NRXN3: variants seen among roughly 807,000 people sequenced by gnomAD.
NRXN3 encodes neurexin 3.
Under a neutral mutation model 137.6 loss-of-function variants are expected in NRXN3, and 32 were observed. That is an observed-to-expected ratio of 0.23 (90% CI 0.18 to 0.31). NRXN3 has a LOEUF of 0.31. Among genes scored for constraint, NRXN3 ranks in the 10% least tolerant of loss-of-function variants. The pLI is 1.00. For missense variants in NRXN3, 1,574 were observed against 2,062.5 expected (o/e 0.76, Z 4.59); for synonymous variants, 798 against 784.5 (o/e 1.02, Z -0.29).
chr14:78,703,433 A>G (rs1247636347), intron 6 of NRXN3, among the ~76,000 whole-genome samples: 2 of 152,202 alleles, frequency 1.3e-5, no homozygotes, highest in Non-Finnish European at 2.9e-5. Context: ...TACCCTGAGT[A>G]GGAACGTTAT....
intron 4 of NRXN3, among the ~76,000 whole-genome samples, chr14:78,318,521 A>C (rs2078968096): frequency 6.6e-6 from 1 of 152,098 alleles, no homozygotes; most frequent in Non-Finnish European, 1.5e-5. Flanking sequence ...TCATTCACAG[A>C]GTCTTTCTTT....
intron 4 of NRXN3, among the ~76,000 whole-genome samples, chr14:78,405,615 G>GGGGA (rs1555510783): frequency 2.8e-5 from 4 of 144,182 alleles, no homozygotes; most frequent in Non-Finnish European, 4.6e-5. Flanking sequence ...GGAAGGGGCG[G>GGGGA]GGGGGTTCCG....
chr14:79,171,657 T>C (rs1473829001), intron 15 of NRXN3, among the ~76,000 whole-genome samples: 1 of 152,174 alleles, frequency 6.6e-6, no homozygotes, highest in Non-Finnish European at 1.5e-5. Context: ...TAAGAGTGGA[T>C]ATAGTATTTA....
intron 15 of NRXN3, chr14:79,246,971 C>A: frequency 6.6e-6 from 1 of 152,414 alleles, no homozygotes. Context: ...ATCCCACTAA[C>A]ACCAAAGCCA....
chr14:78,719,024 T>C (rs973533608), intron 8 of NRXN3, among the ~76,000 whole-genome samples: 2 of 152,234 alleles, frequency 1.3e-5, no homozygotes, highest in Admixed American at 6.5e-5. Context: ...CATCTTATCT[T>C]TGCTGGTATA....
chr14:79,819,465 C>T (rs1478350446), intron 20 of NRXN3, among the ~76,000 whole-genome samples: 1 of 132,802 alleles, frequency 7.5e-6, no homozygotes, highest in African/African-American at 2.9e-5. Context: ...ACATAGGATA[C>T]AACAGGACAT....
At chr14:79,708,128 TCAAC>T (rs973501992) in intron 19 of NRXN3, among the ~76,000 whole-genome samples, 22 of 52,828 alleles carry the variant, frequency 4.2e-4, no homozygotes, top group Non-Finnish European at 6.1e-4. Context: ...GCATCTGCAT[TCAAC>T]CAACTAACTG....
At chr14:79,121,931 G>A (rs2055513727) in intron 15 of NRXN3, among the ~76,000 whole-genome samples, 1 of 152,170 alleles carries the variant, frequency 6.6e-6, no homozygotes, top group Non-Finnish European at 1.5e-5. Flanking sequence ...TGTACATTTA[G>A]TATTTTTTTG....
At chr14:79,339,900 G>T (rs961010707) in intron 15 of NRXN3, among the ~76,000 whole-genome samples, 3 of 152,172 alleles carry the variant, frequency 2.0e-5, no homozygotes, top group Non-Finnish European at 2.9e-5. Context: ...CATACAATTA[G>T]TAGTGTTGTT....
At chr14:79,846,853 G>A (rs2099376320) in intron 20 of NRXN3, among the ~76,000 whole-genome samples, 1 of 152,070 alleles carries the variant, frequency 6.6e-6, no homozygotes, top group Non-Finnish European at 1.5e-5. Context: ...TTTATTGAAT[G>A]AATTAATGGA....
At chr14:79,291,707 T>C (rs566340034) in intron 15 of NRXN3, among the ~76,000 whole-genome samples, 1 of 149,994 alleles carries the variant, frequency 6.7e-6, no homozygotes, top group Non-Finnish European at 1.5e-5. Flanking sequence ...ACTGAAATTA[T>C]ACTGAAAACA....
intron 9 of NRXN3, among the ~76,000 whole-genome samples, chr14:78,807,771 GA>G (rs2098885221): frequency 3.2e-4 from 4 of 12,344 alleles, no homozygotes; most frequent in African/African-American, 3.9e-4. Flanking sequence ...AAAAGAAAAA[GA>G]AAGAGAAAGA....
At chr14:79,563,095 G>C (rs2097515581) in intron 16 of NRXN3, among the ~76,000 whole-genome samples, 1 of 152,118 alleles carries the variant, frequency 6.6e-6, no homozygotes, top group Non-Finnish European at 1.5e-5. Flanking sequence ...CTCTGAAAAA[G>C]CCAACGCATT....
chr14:78,252,757 C>T (rs2068841474), intron 2 of NRXN3, among the ~76,000 whole-genome samples: 1 of 152,168 alleles, frequency 6.6e-6, no homozygotes, highest in African/African-American at 2.4e-5. Context: ...AAATGTGTTG[C>T]CTGCAGCTCT....
Position 78,940,200 on chromosome 14 carries a change from C to G in NRXN3, c.2276-17042C>G, listed in dbSNP as rs371575137. On this transcript the variant is annotated intron_variant, in intron 10 of 20. Transcript: ENST00000335750. ...CTGAACTTGCATGCTCTCTTAATCT[C>G]TATACGTGGCAGTTTTTAAAATCTC... Among the ~76,000 whole-genome samples, 559 of 152,318 alleles carry G rather than the reference C, an allele frequency of 3.7e-3. 1 individual carries two copies. Among genetic ancestry groups the G allele is most frequent in the African/African-American group, 0.013 (531 of 41,560 alleles).
chr14:79,160,584 G>A lies in NRXN3; in HGVS notation c.3262+172443G>A, dbSNP rs200693137. ...GGATAGCTGTTCTTTGCACATGTTC[G>A]TGTTGAGTAGGTGCTGTATAAAATC... is the stretch of plus-strand genomic sequence containing the variant. On this transcript the variant is annotated intron_variant, in intron 15 of 20. Coordinates refer to ENST00000335750, the MANE Select transcript of NRXN3 (RefSeq NM_001330195.2). Among the ~76,000 whole-genome samples, 8 of 151,834 alleles carry A rather than the reference G, an allele frequency of 5.3e-5. No individual in the cohort carries two copies. In the East Asian group the frequency reaches 1.2e-3, roughly 22 times the overall value.
chr14:79,301,362 C>T (rs1345229982), intron 15 of NRXN3, among the ~76,000 whole-genome samples: 5 of 152,002 alleles, frequency 3.3e-5, no homozygotes, highest in South Asian at 2.1e-4. Context: ...TTGATTTCAT[C>T]GGCAGCTGTC....
At chr14:79,855,610 A>C (rs1399160976) in intron 20 of NRXN3, among the ~76,000 whole-genome samples, 2 of 152,190 alleles carry the variant, frequency 1.3e-5, no homozygotes, top group African/African-American at 4.8e-5. Flanking sequence ...ATTATTTCTT[A>C]TATTCTATTA....
At chr14:78,249,493 G>A (rs761308344) in intron 2 of NRXN3, among the ~76,000 whole-genome samples, 5 of 152,106 alleles carry the variant, frequency 3.3e-5, no homozygotes, top group Non-Finnish European at 5.9e-5. Context: ...ATGAGGTGGG[G>A]TGTGTGTTGC....
Sources: allele counts gnomAD v4.1 joint callset (sites outside exome capture counted in the v4.1 genomes callset), GRCh38; gene constraint gnomAD v4.1.1; transcripts MANE v1.5; gene names NCBI Gene and HGNC (gene_info 2026-07-23, HGNC 2026-07-21).